PRR5: variants seen among roughly 807,000 people sequenced by gnomAD.
The protein encoded by PRR5 is proline rich 5, also known as proline-rich protein 5.
A neutral mutation model predicts 30.6 loss-of-function variants in PRR5; 25 were observed. The observed-to-expected ratio is 0.82, with a 90% confidence interval of 0.60 to 1.14. PRR5 has a LOEUF of 1.14. PRR5 is among the 50% of genes most tolerant of loss of function. The pLI is 0.00. For missense variants in PRR5, 600 were observed against 547.1 expected (o/e 1.10, Z -0.96); for synonymous variants, 286 against 247.1 (o/e 1.16, Z -1.48).
At chr22:44,673,490 A>T (rs906047258), upstream of PRR5, among the ~76,000 whole-genome samples, 6 of 152,186 alleles carry the variant, frequency 3.9e-5, no homozygotes, top group African/African-American at 1.4e-4. Flanking sequence ...ATCCCATTGT[A>T]CAGACCAGGA....
rs574410235 is a variant in PRR5 at position 44,711,159 on chromosome 22, T to G, written c.135-3432T>G. ...GTGCCATGGCGTTCGCGGGCAGGTG[T>G]TCGCTGGCAGGTGCTTGCTGGGCTT... On this transcript the variant is annotated intron_variant, in intron 1 of 7. Transcript: ENST00000336985. Among the ~76,000 whole-genome samples the G allele has an allele frequency of 1.1e-3, 174 of 152,230 alleles. 1 individual carries two copies. The highest frequency in any genetic ancestry group is 3.9e-3 in the Admixed American group (59 of 15,308).
In PRR5 at chr22:44,702,571, C is replaced by T. The variant is rs1926501037; in HGVS notation, c.97C>T (p.Gln33Ter). 1.4e-6 allele frequency: 2 copies of T among 1,416,156 alleles called. No individual in the cohort carries two copies. The highest frequency in any genetic ancestry group is 3.3e-5 in the Admixed American group (1 of 30,398). The allele number at this position is 1,416,156 out of a possible 1,614,324, so 87.7% of individuals were successfully genotyped here. A position where few individuals can be genotyped will look rare whatever the true frequency, so the allele number is the denominator to read the frequency against. Residue 33 changes from glutamine to a stop codon, truncating the protein, a stop_gained, in exon 1 of 8, where the codon CAG (glutamine) becomes TAG (stop). Transcript: ENST00000336985. LOFTEE classifies it high-confidence loss of function. Reference protein sequence around the residue: ...PAAAADERGTQQRRACANATW... With the variant: ...PAAAADERGT ...CGCCGCCGCGGACGAGCGGGGCACG[C>T]AGCAGCGCCGGGCCTGCGCCAACGC... is the stretch of plus-strand genomic sequence containing the variant.
intron 1 of PRR5, among the ~76,000 whole-genome samples, chr22:44,695,655 A>G (rs557959947): frequency 6.6e-6 from 1 of 152,000 alleles, no homozygotes; most frequent in African/African-American, 2.4e-5. Flanking sequence ...CTGGAGTGCA[A>G]TGGCTCAGTC....
chr22:44,732,784 CACATACT>C (rs1259435505), intron 6 of PRR5, among the ~76,000 whole-genome samples: 16 of 105,788 alleles, frequency 1.5e-4, no homozygotes, highest in African/African-American at 8.4e-4. Flanking sequence ...TGTGTGCACG[CACATACT>C]ACATGTGCAC....
At chr22:44,687,098 C>G (rs1366106921) in intron 1 of PRR5, among the ~76,000 whole-genome samples, 1 of 152,134 alleles carries the variant, frequency 6.6e-6, no homozygotes, top group African/African-American at 2.4e-5. Context: ...CCAGCAAGGG[C>G]TTTATCTGTG....
chr22:44,730,347 C>T, intron 4 of PRR5: 1 of 985,076 alleles, frequency 1.0e-6, no homozygotes, highest in Non-Finnish European at 1.2e-6. Context: ...GTCTGGCTTC[C>T]AGGGGACAGC....
chr22:44,718,465 G>C (rs545407847), intron 2 of PRR5, among the ~76,000 whole-genome samples: 1 of 152,062 alleles, frequency 6.6e-6, no homozygotes, highest in African/African-American at 2.4e-5. Context: ...AAAGTGCTGG[G>C]GTTACAGGCC....
upstream of PRR5, chr22:44,702,077 G>A: frequency 5.4e-6 from 1 of 185,284 alleles, no homozygotes; most frequent in Non-Finnish European, 1.0e-5. Flanking sequence ...GGAGACGCCG[G>A]CTCCGCCTCT....
At chr22:44,671,359 A>C (rs1923416305) in intron 1 of PRR5, among the ~76,000 whole-genome samples, 1 of 152,110 alleles carries the variant, frequency 6.6e-6, no homozygotes, top group Non-Finnish European at 1.5e-5. Context: ...TATTTTAACC[A>C]CATCTCTCTT....
chr22:44,729,195 C>A, intron 4 of PRR5: 1 of 690,152 alleles, frequency 1.4e-6, no homozygotes, highest in Non-Finnish European at 1.8e-6. Context: ...GTGCCTCGGC[C>A]GTCCCCGCGC....
chr22:44,693,163 T>C (rs958211603), intron 1 of PRR5, among the ~76,000 whole-genome samples: 3 of 152,166 alleles, frequency 2.0e-5, no homozygotes, highest in Admixed American at 2.0e-4. Flanking sequence ...AGGTGGCTTA[T>C]AACAGAATCT....
chr22:44,725,961 G>C (rs140185341), intron 3 of PRR5, among the ~76,000 whole-genome samples: 6 of 152,198 alleles, frequency 3.9e-5, no homozygotes, highest in Non-Finnish European at 8.8e-5. Flanking sequence ...CACCGCGCCC[G>C]ACCAATTCTG....
At chr22:44,698,673 G>C (rs1301509184), upstream of PRR5, among the ~76,000 whole-genome samples, 2 of 152,198 alleles carry the variant, frequency 1.3e-5, no homozygotes, top group African/African-American at 4.8e-5. Context: ...GTCACGTGGG[G>C]CTCAGGCCCA....
At chr22:44,687,891 C>T (rs986155662) in intron 1 of PRR5, among the ~76,000 whole-genome samples, 3 of 152,028 alleles carry the variant, frequency 2.0e-5, no homozygotes, top group African/African-American at 7.2e-5. Flanking sequence ...TCTCCTGTCT[C>T]AGCCCCCCGA....
chr22:44,679,991 C>T (rs9626515), intron 1 of PRR5: 79,557 of 1,047,352 alleles, frequency 0.076, 4,361 homozygotes, highest in East Asian at 0.27. Flanking sequence ...GGCGAGAGAC[C>T]CACGGGGAAT....
chr22:44,700,158 A>G (rs947196540), upstream of PRR5, among the ~76,000 whole-genome samples: 2 of 152,088 alleles, frequency 1.3e-5, no homozygotes, highest in African/African-American at 4.8e-5. Context: ...CTCTATTACA[A>G]AATTTTTTAA....
chr22:44,729,952 G>C lies in PRR5; in HGVS notation c.323-1778G>C, dbSNP rs75258050. On this transcript the variant is annotated intron_variant, in intron 4 of 7. Coordinates refer to ENST00000336985, the MANE Select transcript of PRR5 (RefSeq NM_181333.4). The stretch of plus-strand genomic sequence containing the variant: ...CTTTGTGTGTGGGCACAGTTCGGCG[G>C]GGCGGTGAGCATCCATCCGTCCGGG... 2.3e-5 allele frequency: 23 copies of C among 985,344 alleles called. No individual in the cohort carries two copies. The African/African-American group carries it at 4.0e-4, about 17-fold the overall frequency. The allele number at this position is 985,344 out of a possible 1,614,324, so 61.0% of individuals were successfully genotyped here.
Position 44,737,655 on chromosome 22 carries a change from G to C in PRR5, c.*408G>C, listed in dbSNP as rs3213551. Reference sequence around the variant, plus strand: ...CCTGGGGTGGCCATGGGGATGGAAGGGGGTGGAATAAAACCTGTCAACCTG... The same window carrying C: ...CCTGGGGTGGCCATGGGGATGGAAGCGGGTGGAATAAAACCTGTCAACCTG... On this transcript the variant is annotated 3_prime_UTR_variant, in exon 8 of 8. Coordinates refer to ENST00000336985, the MANE Select transcript of PRR5 (RefSeq NM_181333.4). 2.6e-5 allele frequency: 5 copies of C among 193,440 alleles called. No homozygotes were observed. Among genetic ancestry groups the C allele is most frequent in the African/African-American group, 6.9e-5 (3 of 43,384 alleles). 12.0% of individuals were successfully genotyped at this position (193,440 alleles called of 1,614,324 possible). A position where few individuals can be genotyped will look rare whatever the true frequency, so the allele number is the denominator to read the frequency against.
At chr22:44,672,694 A>G (rs1923494150), upstream of PRR5, among the ~76,000 whole-genome samples, 1 of 152,174 alleles carries the variant, frequency 6.6e-6, no homozygotes, top group Admixed American at 6.5e-5. Context: ...TACCCTCTGG[A>G]AGGGAGGGGC....
Sources: gnomAD v4.1 joint callset for allele counts (sites outside exome capture counted in the v4.1 genomes callset) on GRCh38, gnomAD v4.1.1 for gene constraint, MANE v1.5 for transcripts, NCBI Gene and HGNC (gene_info 2026-07-23, HGNC 2026-07-21) for gene names.